The following GSE1 variants were observed in gnomAD, a reference collection of about 807,000 sequenced individuals.
The protein encoded by GSE1 is genetic suppressor element 1.
In GSE1, 32 loss-of-function variants were observed where a neutral mutation model predicts 112.6. The ratio of observed to expected loss-of-function variants is 0.28; its 90% CI spans 0.21 to 0.38. GSE1 has a LOEUF of 0.38. Ranked by LOEUF, GSE1 falls within the 10% of genes least tolerant of loss-of-function variation. The pLI, the probability that GSE1 is intolerant of heterozygous loss-of-function variation, is 1.00. For synonymous variants in GSE1, 1,115 were observed against 735.6 expected, an observed-to-expected ratio of 1.52 and a Z score of -8.35; for missense variants, 2,348 against 1,699.2, an observed-to-expected ratio of 1.38 and a Z score of -6.71.
chr16:85,235,887 C>T (rs1011227930), intron 1 of GSE1, among the ~76,000 whole-genome samples: 1 of 151,928 alleles, frequency 6.6e-6, no homozygotes, highest in African/African-American at 2.4e-5. Flanking sequence ...CGCCCGCGCC[C>T]CGCCCCCGCG....
At chr16:85,645,376 G>T (rs1174859531) in intron 2 of GSE1, among the ~76,000 whole-genome samples, 1 of 152,150 alleles carries the variant, frequency 6.6e-6, no homozygotes, top group Non-Finnish European at 1.5e-5. Flanking sequence ...GATCTGGCTA[G>T]ACGGAGTGTC....
chr16:85,411,102 T>C (rs1469714664), intron 2 of GSE1, among the ~76,000 whole-genome samples: 1 of 118,112 alleles, frequency 8.5e-6, no homozygotes, highest in Admixed American at 9.0e-5. Context: ...TCCTCACTGT[T>C]ACACTCAGGC....
At chr16:85,301,222 G>C (rs891224075) in intron 1 of GSE1, among the ~76,000 whole-genome samples, 1 of 152,224 alleles carries the variant, frequency 6.6e-6, no homozygotes, top group Admixed American at 6.5e-5. Flanking sequence ...GGTCGAGCCC[G>C]TGTTCCATTT....
intron 2 of GSE1, among the ~76,000 whole-genome samples, chr16:85,641,728 T>G (rs2050465998): frequency 6.6e-6 from 1 of 152,220 alleles, no homozygotes; most frequent in Non-Finnish European, 1.5e-5. Flanking sequence ...ATTGGCTCTT[T>G]CCTCTGGGGT....
At chr16:85,572,495 CCACATACCA>C (rs1046685197) in intron 1 of GSE1, among the ~76,000 whole-genome samples, 3 of 150,778 alleles carry the variant, frequency 2.0e-5, no homozygotes, top group African/African-American at 7.3e-5. Flanking sequence ...ATGCACACAA[CCACATACCA>C]CACACACCAC....
intron 2 of GSE1, among the ~76,000 whole-genome samples, chr16:85,501,012 T>G (rs1330389215): frequency 1.4e-5 from 2 of 140,314 alleles, no homozygotes; most frequent in South Asian, 2.4e-4. Flanking sequence ...TTTTTTTTTT[T>G]TTTTTTTTTT....
chr16:85,598,937 A>T (rs755697685), intron 1 of GSE1, among the ~76,000 whole-genome samples: 149 of 152,360 alleles, frequency 9.8e-4, no homozygotes, highest in Admixed American at 1.8e-3. Context: ...TGGTTGGCAC[A>T]AGAAACTGCC....
At chr16:85,331,695 A>ATG (rs2046372701) in intron 1 of GSE1, among the ~76,000 whole-genome samples, 1 of 88,506 alleles carries the variant, frequency 1.1e-5, no homozygotes, top group African/African-American at 4.5e-5. Flanking sequence ...GTATATATAT[A>ATG]TATATATATA....
At chr16:85,451,869 G>A (rs1034730401) in intron 2 of GSE1, among the ~76,000 whole-genome samples, 1 of 152,192 alleles carries the variant, frequency 6.6e-6, no homozygotes, top group South Asian at 2.1e-4. Flanking sequence ...TGGTTTGCCC[G>A]GTGGAGACAC....
chr16:85,653,228 CTCCT>C (rs1567725814), intron 3 of GSE1, among the ~76,000 whole-genome samples: 1 of 1,218 alleles, frequency 8.2e-4, no homozygotes, highest in African/African-American at 3.6e-3. Flanking sequence ...CCTCCTCCTC[CTCCT>C]CCCCCCTCCT....
intron 1 of GSE1, among the ~76,000 whole-genome samples, chr16:85,333,832 T>TC (rs1357248202): frequency 6.6e-6 from 1 of 151,644 alleles, no homozygotes; most frequent in East Asian, 2.0e-4. Context: ...AGCCTCCTCC[T>TC]CCCCCCACAG....
chr16:85,604,856 C>T (rs1484741827), intron 1 of GSE1, among the ~76,000 whole-genome samples: 3 of 26,422 alleles, frequency 1.1e-4, no homozygotes, highest in Non-Finnish European at 2.0e-4. Context: ...CTCGCTCTGT[C>T]GCCCAGGCTG....
At chr16:85,529,937 T>G (rs1196506425) in intron 2 of GSE1, among the ~76,000 whole-genome samples, 1 of 152,208 alleles carries the variant, frequency 6.6e-6, no homozygotes, top group Non-Finnish European at 1.5e-5. Flanking sequence ...GGGTTCCTCC[T>G]GTGTGTGGAC....
chr16:85,257,223 T>A (rs979195597), intron 1 of GSE1, among the ~76,000 whole-genome samples: 1 of 152,128 alleles, frequency 6.6e-6, no homozygotes, highest in Non-Finnish European at 1.5e-5. Flanking sequence ...ATTCGCCTGC[T>A]TCATCCTCCC....
rs899057375 is a variant in GSE1, at chr16:85,254,640, G to A, written c.2283+82833G>A. Among the ~76,000 whole-genome samples, 84 of 152,160 alleles carry A rather than the reference G, an allele frequency of 5.5e-4. 2 individuals are homozygous for A. The highest frequency in any genetic ancestry group is 2.9e-4 in the Non-Finnish European group (20 of 68,022). ...GTCCACACATCCTCGCGCCTCGCTC[G>A]CTCTGATCCTAAGCCCGGCCACACA... On this transcript the variant is annotated intron_variant, in intron 1 of 2. Transcript: ENST00000637419.
intron 1 of GSE1, among the ~76,000 whole-genome samples, chr16:85,246,219 A>ACG (rs1905661132): frequency 7.0e-6 from 1 of 142,688 alleles, no homozygotes; most frequent in Admixed American, 7.0e-5. Flanking sequence ...ACACACACAC[A>ACG]CACACACACA....
intron 3 of GSE1, among the ~76,000 whole-genome samples, chr16:85,650,543 G>T (rs1004097040): frequency 6.6e-6 from 1 of 152,178 alleles, no homozygotes; most frequent in Admixed American, 6.5e-5. Flanking sequence ...CGACTCCTCC[G>T]CTCTGAGCTG....
At chr16:85,206,734 C>T (rs996679341) in intron 1 of GSE1, among the ~76,000 whole-genome samples, 2 of 151,786 alleles carry the variant, frequency 1.3e-5, no homozygotes, top group East Asian at 3.9e-4. Flanking sequence ...AATCTCCCAG[C>T]GCCTCTTGGA....
At chr16:85,637,747 C>T (rs1457229941) in intron 2 of GSE1, among the ~76,000 whole-genome samples, 1 of 151,220 alleles carries the variant, frequency 6.6e-6, no homozygotes, top group African/African-American at 2.4e-5. Context: ...CTCCTCCCTG[C>T]AGAAAGGGAG....
Sources: gnomAD v4.1 joint callset for allele counts (sites outside exome capture counted in the v4.1 genomes callset) on GRCh38, gnomAD v4.1.1 for gene constraint, MANE v1.5 for transcripts, NCBI Gene and HGNC (gene_info 2026-07-23, HGNC 2026-07-21) for gene names.